PRKCZ: variants seen among roughly 807,000 people sequenced by gnomAD.
PRKCZ encodes protein kinase C zeta, also known as protein kinase C zeta type.
In PRKCZ, 33 loss-of-function variants were observed where a neutral mutation model predicts 79.5. That is an observed-to-expected ratio of 0.41 (90% confidence interval 0.31 to 0.55). PRKCZ has a LOEUF of 0.55. Among genes scored for constraint, PRKCZ ranks in the 20% least tolerant of loss-of-function variants. The probability of loss-of-function intolerance (pLI) is 0.19; values close to 1 mark genes in which losing one functional copy is unlikely to be tolerated. For missense variants in PRKCZ, 578 were observed against 813.5 expected (o/e 0.71, Z 3.52); for synonymous variants, 342 against 320.9 (o/e 1.07, Z -0.70).
rs35864868 is a variant in PRKCZ, at chr1:2,118,342, G to GTT, written c.335-16908_335-16907dup. Among the ~76,000 whole-genome samples the GTT allele has an allele frequency of 4.7e-3, 635 of 135,392 alleles. 5 individuals carry two copies. The highest frequency in any genetic ancestry group is 0.011 in the African/African-American group (383 of 36,344). The allele number at this position is 135,392 out of a possible 152,430, so 88.8% of individuals were successfully genotyped here. A position where few individuals can be genotyped will look rare whatever the true frequency, so the allele number is the denominator to read the frequency against. ...GCTTTTATCATCATGAAATGTTTTTGTTTTTTTTTTTTTGAGACAGAGTGT... is the reference window on the plus strand; with the variant it reads ...GCTTTTATCATCATGAAATGTTTTTGTTTTTTTTTTTTTTTGAGACAGAGTGT... On this transcript the variant is annotated intron_variant, in intron 4 of 17. Coordinates refer to ENST00000378567, the MANE Select transcript of PRKCZ (RefSeq NM_002744.6).
chr1:2,116,057 C>G (rs3128340), intron 4 of PRKCZ: 102,814 of 152,148 alleles, frequency 0.68, 35,552 homozygotes, highest in African/African-American at 0.84. Flanking sequence ...GGAGCTGTCC[C>G]GGCTCCCGGC....
intron 4 of PRKCZ, among the ~76,000 whole-genome samples, chr1:2,130,051 C>T (rs901702899): frequency 6.6e-6 from 1 of 152,098 alleles, no homozygotes; most frequent in African/African-American, 2.4e-5. Flanking sequence ...TATAGGTGCA[C>T]GCCACCACAC....
rs80050535 is a variant in PRKCZ, at chr1:2,094,496, T to G, written c.334+34905T>G. ...GGGCGCTGCCCGTTCTGAGGCGCCC[T>G]CTGTGCCCGGCTCGTTGAACCTTGG... On this transcript the variant is annotated intron_variant, in intron 4 of 17. Transcript: ENST00000378567. This position sits in a 1 kb window ranked among gnomAD's most constrained non-coding sequence, Gnocchi z 7.3. Among the ~76,000 whole-genome samples the G allele has an allele frequency of 6.8e-4, 80 of 116,822 alleles. 2 individuals carry two copies. Among genetic ancestry groups the G allele is most frequent in the African/African-American group, 1.9e-3 (57 of 29,534 alleles). 76.6% of individuals were successfully genotyped at this position (116,822 alleles called of 152,430 possible).
intron 10 of PRKCZ, among the ~76,000 whole-genome samples, chr1:2,162,839 A>T (rs1682585453): frequency 6.6e-6 from 1 of 152,198 alleles, no homozygotes; most frequent in African/African-American, 2.4e-5. Flanking sequence ...AGCAGCAGGC[A>T]GCTTGGTCTC....
At chr1:2,181,869 AGGGGGCATCTTG>A (rs1172511082) in intron 16 of PRKCZ, 5 of 456,408 alleles carry the variant, frequency 1.1e-5, no homozygotes. Context: ...TGATGAATGA[AGGGGGCATCTTG>A]TGTCCCCACA....
At chr1:2,126,316 G>C (rs939289726) in intron 4 of PRKCZ, among the ~76,000 whole-genome samples, 1 of 152,162 alleles carries the variant, frequency 6.6e-6, no homozygotes, top group Non-Finnish European at 1.5e-5. Flanking sequence ...TGCTGACCTG[G>C]GCTGCAGGGG....
chr1:2,118,299 A>T (rs1324321698), intron 4 of PRKCZ, among the ~76,000 whole-genome samples: 1 of 147,858 alleles, frequency 6.8e-6, no homozygotes, highest in African/African-American at 2.5e-5. Flanking sequence ...GCCTGGCCAT[A>T]TCTTCCTTTT....
rs779997408 is a variant in PRKCZ at position 2,165,177 on chromosome 1, G to A, written c.975-4341G>A. 2.0e-5 allele frequency among the ~76,000 whole-genome samples: 3 copies of A among 152,174 alleles called. No homozygotes were observed. The highest frequency in any genetic ancestry group is 2.9e-5 in the Non-Finnish European group (2 of 68,036). On this transcript the variant is annotated intron_variant, in intron 10 of 17. Coordinates refer to ENST00000378567, the MANE Select transcript of PRKCZ (RefSeq NM_002744.6). The surrounding 1 kb of genome is among the most constrained non-coding windows in gnomAD (Gnocchi z 4.1). ...ATCCTTCTGTGGATTCAGCTTTACC[G>A]CCTTTCCTCATCTGCTGGTGTCTTC...
At chr1:2,154,860 G>A (rs1035960859) in intron 9 of PRKCZ, among the ~76,000 whole-genome samples, 2 of 152,240 alleles carry the variant, frequency 1.3e-5, no homozygotes, top group Admixed American at 1.3e-4. Flanking sequence ...TGAATTGGGA[G>A]GGTGACAGTC....
At chr1:2,181,508 G>A (rs1432943532) in intron 16 of PRKCZ, among the ~76,000 whole-genome samples, 2 of 152,220 alleles carry the variant, frequency 1.3e-5, no homozygotes, top group African/African-American at 2.4e-5. Flanking sequence ...TTGGGCGCAG[G>A]GGGCGGCGGT....
intron 4 of PRKCZ, among the ~76,000 whole-genome samples, chr1:2,088,299 A>G (rs1216183300): frequency 6.6e-6 from 1 of 151,560 alleles, no homozygotes; most frequent in Non-Finnish European, 1.5e-5. Flanking sequence ...GGTGCGCCCC[A>G]TGGGGTCTGC....
chr1:2,095,310 A>G (rs884080), intron 4 of PRKCZ, among the ~76,000 whole-genome samples: 89,297 of 152,018 alleles, frequency 0.59, 27,814 homozygotes, highest in East Asian at 0.95. Context: ...TGAGCTCACC[A>G]TGGTTTTGGA....
chr1:2,058,136 G>T (rs1660350212), intron 3 of PRKCZ, among the ~76,000 whole-genome samples: 1 of 152,158 alleles, frequency 6.6e-6, no homozygotes, highest in African/African-American at 2.4e-5. Context: ...CAAAGTGCTG[G>T]GATTACAGGC....
At chr1:2,180,035 G>A (rs979153448) in intron 16 of PRKCZ, among the ~76,000 whole-genome samples, 2 of 152,186 alleles carry the variant, frequency 1.3e-5, no homozygotes. Context: ...CAGAAGTGGG[G>A]ATCACAGCTG....
chr1:2,174,723 G>A lies in PRKCZ; in HGVS notation c.1406-31G>A. ...CACTGGGCAAATGGCACACAACACA[G>A]GCAAGTCCTCACCAGGCTCCGCCCT... On this transcript the variant is annotated intron_variant, in intron 14 of 17. Transcript: ENST00000378567. The surrounding 1 kb of genome is among the most constrained non-coding windows in gnomAD (Gnocchi z 6.2). 2 of 1,603,712 alleles carry A rather than the reference G, an allele frequency of 1.2e-6. No individual in the cohort carries two copies. The highest frequency in any genetic ancestry group is 2.2e-5 in the East Asian group (1 of 44,812).
In PRKCZ at chr1:2,167,327, T is replaced by C. The variant is rs1464308859; in HGVS notation, c.975-2191T>C. Among the ~76,000 whole-genome samples the C allele has an allele frequency of 1.3e-5, 2 of 152,246 alleles. 1 individual carries two copies. Among genetic ancestry groups the C allele is most frequent in the Non-Finnish European group, 2.9e-5 (2 of 68,052 alleles). On this transcript the variant is annotated intron_variant, in intron 10 of 17. Coordinates refer to ENST00000378567, the MANE Select transcript of PRKCZ (RefSeq NM_002744.6). The stretch of plus-strand genomic sequence containing the variant: ...AAATTCTCTCAGCCTCCTGAGGCAT[T>C]GTATTGATGCTTTTCTCTAGAATTC...
chr1:2,150,161 CAA>C (rs750010192), intron 8 of PRKCZ, among the ~76,000 whole-genome samples: 3 of 46,678 alleles, frequency 6.4e-5, no homozygotes, highest in Non-Finnish European at 9.1e-5. Context: ...GACTCCGTCT[CAA>C]AAAAAAAAAA....
At chr1:2,157,280 T>A (rs914983974) in intron 10 of PRKCZ, among the ~76,000 whole-genome samples, 3 of 152,198 alleles carry the variant, frequency 2.0e-5, no homozygotes, top group African/African-American at 7.2e-5. Context: ...GGAAGTCATG[T>A]ACAGCCAGCT....
At chr1:2,153,909 C>T (rs1260254533) in intron 9 of PRKCZ, among the ~76,000 whole-genome samples, 1 of 152,216 alleles carries the variant, frequency 6.6e-6, no homozygotes, top group Non-Finnish European at 1.5e-5. Flanking sequence ...AGACTGCACT[C>T]TCTGGGGCCA....
Sources: gnomAD v4.1 joint callset for allele counts (sites outside exome capture counted in the v4.1 genomes callset) on GRCh38, gnomAD v4.1.1 for gene constraint, Gnocchi (gnomAD v3.1) non-coding constraint, MANE v1.5 for transcripts, NCBI Gene and HGNC (gene_info 2026-07-23, HGNC 2026-07-21) for gene names.